Variants in UEVLD observed in about 807,000 individuals in gnomAD.
The protein encoded by UEVLD is ubiquitin-conjugating enzyme E2 variant 3.
UEVLD carries 47 observed loss-of-function variants against 58.6 expected under a neutral mutation model. That is an observed-to-expected ratio of 0.80 (90% CI 0.63 to 1.02). UEVLD has a LOEUF of 1.02. UEVLD is among the 50% of genes least tolerant of loss of function. The pLI, the probability that UEVLD is intolerant of heterozygous loss-of-function variation, is 0.00. For missense variants in UEVLD, 510 were observed against 550.6 expected (o/e 0.93, Z 0.74); for synonymous variants, 197 against 195.3 (o/e 1.01, Z -0.07).
chr11:18,551,867 A>G (rs1396671450), intron 7 of UEVLD, among the ~76,000 whole-genome samples: 1 of 152,202 alleles, frequency 6.6e-6, no homozygotes, highest in Non-Finnish European at 1.5e-5. Flanking sequence ...CCCAGTAAAT[A>G]ATATTTCATG....
chr11:18,570,057 A>T (rs1852514465), intron 4 of UEVLD, 157 bp downstream of exon 4: 4 of 766,892 alleles, frequency 5.2e-6, no homozygotes, highest in Non-Finnish European at 7.5e-6. Context: ...GGACTTGGGT[A>T]ACCCTAGAGA....
intron 1 of UEVLD, among the ~76,000 whole-genome samples, chr11:18,586,313 C>T (rs1853558142): frequency 6.6e-6 from 1 of 152,128 alleles, no homozygotes; most frequent in Non-Finnish European, 1.5e-5. Flanking sequence ...CTCCCAGGTT[C>T]AAGTGATTCT....
chr11:18,571,414 A>C (rs1309955054), intron 3 of UEVLD, among the ~76,000 whole-genome samples: 1 of 152,150 alleles, frequency 6.6e-6, no homozygotes, highest in East Asian at 1.9e-4. Context: ...ATCTGCCTCC[A>C]CCAATGCCCC....
At position 18,532,051 on chromosome 11, in the gene UEVLD, T is replaced by G. The variant is rs1422234145; in HGVS notation, c.*269A>C. ...GTTTAGGATATATGATTTAAATTGA[T>G]GCACACTGCAGATGAATGTTTACCC... On this transcript the variant is annotated 3_prime_UTR_variant, in exon 12 of 12. Transcript: ENST00000396197. 4.1e-6 allele frequency: 1 copy of G among 241,372 alleles called. No homozygotes were observed. The highest frequency in any genetic ancestry group is 5.5e-5 in the Admixed American group (1 of 18,248). 15.0% of individuals were successfully genotyped at this position (241,372 alleles called of 1,614,324 possible). A position where few individuals can be genotyped will look rare whatever the true frequency, so the allele number is the denominator to read the frequency against.
At chr11:18,559,411 C>T (rs781305265) in intron 6 of UEVLD, among the ~76,000 whole-genome samples, 2 of 151,996 alleles carry the variant, frequency 1.3e-5, no homozygotes, top group Non-Finnish European at 2.9e-5. Context: ...GTTGGCTAGG[C>T]TGGTCTCGAA....
chr11:18,540,163 T>C (rs562694865), intron 9 of UEVLD, among the ~76,000 whole-genome samples: 5 of 152,306 alleles, frequency 3.3e-5, no homozygotes, highest in East Asian at 1.9e-4. Context: ...AGATCAGGGT[T>C]CAAATCTCAG....
At chr11:18,549,488 AGCTCACTGCAACCTCT>A (rs1489154107) in intron 7 of UEVLD, among the ~76,000 whole-genome samples, 1 of 151,906 alleles carries the variant, frequency 6.6e-6, no homozygotes, top group Non-Finnish European at 1.5e-5. Flanking sequence ...ATGCAATCTC[AGCTCACTGCAACCTCT>A]GCCTCCCGGT....
intron 3 of UEVLD, 101 bp from the exon 4 acceptor site, chr11:18,570,478 G>C: frequency 1.8e-6 from 2 of 1,135,846 alleles, no homozygotes; most frequent in Non-Finnish European, 2.4e-6. Flanking sequence ...TGGGGTGGTG[G>C]CTGAAGCCTG....
chr11:18,558,457 A>C (rs1851859932), intron 6 of UEVLD, 127 bp from the exon 7 acceptor site: 1 of 486,114 alleles, frequency 2.1e-6, no homozygotes, highest in African/African-American at 2.0e-5. Context: ...AAGAAGAGTA[A>C]GTAACACAAT....
At chr11:18,558,779 T>G (rs1445444904) in intron 6 of UEVLD, among the ~76,000 whole-genome samples, 1 of 147,890 alleles carries the variant, frequency 6.8e-6, no homozygotes, top group Non-Finnish European at 1.5e-5. Context: ...CGAGACTCTA[T>G]CTCAAAAAAA....
intron 6 of UEVLD, among the ~76,000 whole-genome samples, chr11:18,559,886 T>C (rs1037420682): frequency 6.6e-6 from 1 of 152,040 alleles, no homozygotes; most frequent in African/African-American, 2.4e-5. Context: ...GACTTGAAGA[T>C]ATCTCCTATT....
intron 6 of UEVLD, among the ~76,000 whole-genome samples, chr11:18,563,415 ACT>A (rs1852139347): frequency 6.6e-6 from 1 of 151,666 alleles, no homozygotes; most frequent in South Asian, 2.1e-4. Context: ...ACATGGTGAA[ACT>A]CTGTCTCTAC....
intron 3 of UEVLD, chr11:18,570,652 G>A (rs1459259223): frequency 5.2e-6 from 1 of 191,730 alleles, no homozygotes; most frequent in African/African-American, 2.3e-5. Flanking sequence ...AGGCTGAGAT[G>A]GGCAGATGAC....
intron 9 of UEVLD, chr11:18,539,074 GTTT>G (rs59340537): frequency 9.8e-5 from 7 of 71,358 alleles, no homozygotes; most frequent in South Asian, 6.2e-4. Context: ...AGTTTTATAA[GTTT>G]TTTTTTTTTT....
At position 18,530,555 on chromosome 11, in the gene UEVLD, T is replaced by C. The variant is rs1414469914; in HGVS notation, c.*1765A>G. 6.6e-6 allele frequency: 1 copy of C among 152,156 alleles called. No individual in the cohort carries two copies. Among genetic ancestry groups the C allele is most frequent in the African/African-American group, 2.4e-5 (1 of 41,346 alleles). 9.4% of individuals were successfully genotyped at this position (152,156 alleles called of 1,614,324 possible). On this transcript the variant is annotated 3_prime_UTR_variant, in exon 12 of 12. Transcript: ENST00000396197. ...ATTAACCTATTATATGCTTGCTTTA[T>C]TTTTATTTTTTTAGAGACAGGGTCT...
At chr11:18,557,676 G>A (rs886753023) in intron 7 of UEVLD, among the ~76,000 whole-genome samples, 1 of 150,940 alleles carries the variant, frequency 6.6e-6, no homozygotes, top group Admixed American at 6.6e-5. Context: ...TAATCCTTCT[G>A]CCTCAGCCTC....
intron 6 of UEVLD, among the ~76,000 whole-genome samples, chr11:18,563,037 C>A (rs1385117812): frequency 1.3e-5 from 2 of 151,314 alleles, no homozygotes; most frequent in Non-Finnish European, 2.9e-5. Flanking sequence ...CAGAGAGAAA[C>A]CTGGTCTCAA....
chr11:18,544,250 G>GAGTCCTC (rs34646785), intron 9 of UEVLD, among the ~76,000 whole-genome samples: 2 of 152,154 alleles, frequency 1.3e-5, no homozygotes, highest in African/African-American at 2.4e-5. Flanking sequence ...CACAATTCTG[G>GAGTCCTC]AGTCCTCAGA....
chr11:18,546,798 T>G, intron 8 of UEVLD, 82 bp downstream of exon 8: 1 of 1,528,736 alleles, frequency 6.5e-7, no homozygotes, highest in Non-Finnish European at 8.9e-7. Context: ...TGCCAGGCCC[T>G]AAAGTTTTAT....
Sources: gnomAD v4.1 joint callset for allele counts (sites outside exome capture counted in the v4.1 genomes callset) on GRCh38, gnomAD v4.1.1 for gene constraint, MANE v1.5 for transcripts, NCBI Gene and HGNC (gene_info 2026-07-23, HGNC 2026-07-21) for gene names.